RUNDC3B: variants seen among roughly 807,000 people sequenced by gnomAD.
RUNDC3B encodes RUN domain-containing protein 3B.
In RUNDC3B, 33 loss-of-function variants were observed where a neutral mutation model predicts 58.4. That is an observed-to-expected ratio of 0.56 (90% CI 0.43 to 0.75). The LOEUF is 0.75. Among genes scored for constraint, RUNDC3B ranks in the 30% least tolerant of loss-of-function variants. The pLI is 0.00. For missense variants in RUNDC3B, 501 were observed against 535.7 expected, an observed-to-expected ratio of 0.94 and a Z score of 0.64; for synonymous variants, 193 against 195.2, an observed-to-expected ratio of 0.99 and a Z score of 0.10.
intron 2 of RUNDC3B, among the ~76,000 whole-genome samples, chr7:87,697,895 C>T (rs1828637573): frequency 6.6e-6 from 1 of 152,064 alleles, no homozygotes; most frequent in Non-Finnish European, 1.5e-5. Flanking sequence ...ATGTTCTTAA[C>T]CACCAGTCAC....
chr7:87,741,518 G>A lies in RUNDC3B; in HGVS notation c.568G>A (p.Gly190Arg). 1 of 1,575,290 alleles carries A rather than the reference G, an allele frequency of 6.3e-7. No individual in the cohort carries two copies. Among genetic ancestry groups the A allele is most frequent in the Non-Finnish European group, 8.7e-7 (1 of 1,151,244 alleles). Residue 190 changes from glycine (G) to arginine (R), a missense_variant, in exon 6 of 11, where the codon GGG becomes AGG. Transcript: ENST00000394654. ...IDFSFCLKGE[G>R]LDGSFPAVID... ...TCTTAGTTTCTGCCTAAAGGGAGAG[G>A]GGCTGGATGGCAGTTTTCCTGCTGT... is the stretch of plus-strand genomic sequence containing the variant.
intron 6 of RUNDC3B, among the ~76,000 whole-genome samples, chr7:87,769,235 T>C (rs2130866976): frequency 6.6e-6 from 1 of 152,066 alleles, no homozygotes; most frequent in East Asian, 1.9e-4. Flanking sequence ...GGTCTTGAAC[T>C]TCTGGCCTCA....
chr7:87,694,031 G>A, intron 2 of RUNDC3B: 1 of 1,585,664 alleles, frequency 6.3e-7, no homozygotes, highest in Non-Finnish European at 8.5e-7. Flanking sequence ...GGGGAGGGCT[G>A]TATCAGTTAA....
rs551620525 is a variant in RUNDC3B at position 87,650,151 on chromosome 7, C to CTACTTACA, written c.123-671_123-670insTACTTACA. Among the ~76,000 whole-genome samples the CTACTTACA allele has an allele frequency of 7.2e-3, 1,096 of 152,274 alleles. 11 individuals are homozygous for CTACTTACA. The highest frequency in any genetic ancestry group is 8.9e-3 in the Non-Finnish European group (607 of 68,014). ...TTGAGTCTGCAGCTCAAATTTCTTA[C>CTACTTACA]AAGTAGTATTACTGTTTTTGAGTAT... On this transcript the variant is annotated intron_variant, in intron 1 of 10. Coordinates refer to ENST00000394654, the MANE Select transcript of RUNDC3B (RefSeq NM_001134405.2).
chr7:87,823,791 T>TACACAC (rs113441553), intron 10 of RUNDC3B, among the ~76,000 whole-genome samples: 72 of 143,876 alleles, frequency 5.0e-4, no homozygotes, highest in Admixed American at 1.3e-3. Flanking sequence ...TTCATATATA[T>TACACAC]ACACACACAC....
chr7:87,738,935 A>G (rs964530795), intron 4 of RUNDC3B, among the ~76,000 whole-genome samples: 2 of 151,914 alleles, frequency 1.3e-5, no homozygotes, highest in African/African-American at 4.8e-5. Flanking sequence ...ATTTTAGTTA[A>G]TGGGGTGGTA....
intron 2 of RUNDC3B, among the ~76,000 whole-genome samples, chr7:87,680,993 A>G (rs1470434393): frequency 6.6e-6 from 1 of 150,522 alleles, no homozygotes; most frequent in African/African-American, 2.5e-5. Context: ...TAGGCTGATC[A>G]AGAAAATGAG....
intron 3 of RUNDC3B, 27 bp downstream of exon 3, chr7:87,700,581 C>CT: frequency 6.3e-7 from 1 of 1,579,430 alleles, no homozygotes; most frequent in South Asian, 1.2e-5. Context: ...AGACTCGTTT[C>CT]TATTTTTTTT....
At chr7:87,716,375 AATT>A (rs1257016640) in intron 4 of RUNDC3B, among the ~76,000 whole-genome samples, 1 of 152,218 alleles carries the variant, frequency 6.6e-6, no homozygotes, top group African/African-American at 2.4e-5. Context: ...AAAACTTTTG[AATT>A]CTCTGAAAAT....
intron 2 of RUNDC3B, 48 bp from the exon 3 acceptor site, chr7:87,700,373 G>T (rs763969613): frequency 7.3e-5 from 108 of 1,480,400 alleles, no homozygotes; most frequent in Admixed American, 2.3e-4. Context: ...TTCAAGTCTA[G>T]TTTTATTTTA....
At chr7:87,712,457 C>G (rs1412795405) in intron 4 of RUNDC3B, among the ~76,000 whole-genome samples, 2 of 151,970 alleles carry the variant, frequency 1.3e-5, no homozygotes, top group African/African-American at 4.8e-5. Flanking sequence ...TTAATTAAAT[C>G]AAAATCAAGT....
intron 2 of RUNDC3B, among the ~76,000 whole-genome samples, chr7:87,652,175 T>G (rs1050267692): frequency 5.3e-5 from 8 of 152,150 alleles, no homozygotes; most frequent in African/African-American, 1.4e-4. Flanking sequence ...TGTACCTTGA[T>G]GTTCATGAGA....
intron 9 of RUNDC3B, among the ~76,000 whole-genome samples, chr7:87,808,259 G>C (rs533946116): frequency 6.8e-6 from 1 of 147,178 alleles, no homozygotes; most frequent in African/African-American, 2.5e-5. Context: ...CTCTTTTCTC[G>C]TATTTTCTCT....
intron 6 of RUNDC3B, among the ~76,000 whole-genome samples, chr7:87,764,834 T>C (rs1041712856): frequency 7.9e-5 from 12 of 151,998 alleles, no homozygotes; most frequent in African/African-American, 2.7e-4. Flanking sequence ...ATACATTTGC[T>C]ATTGTGAATA....
At chr7:87,683,140 G>A (rs911915533) in intron 2 of RUNDC3B, among the ~76,000 whole-genome samples, 1 of 151,900 alleles carries the variant, frequency 6.6e-6, no homozygotes, top group Non-Finnish European at 1.5e-5. Flanking sequence ...TTTCTTCTGC[G>A]GCGTCTTTGC....
At chr7:87,696,791 G>A (rs762436392) in intron 2 of RUNDC3B, among the ~76,000 whole-genome samples, 19 of 152,080 alleles carry the variant, frequency 1.2e-4, no homozygotes, top group Admixed American at 3.9e-4. Flanking sequence ...ATGATATGCC[G>A]TCCTGTCAAT....
At chr7:87,694,094 G>GTTT in intron 2 of RUNDC3B, 1 of 1,416,408 alleles carries the variant, frequency 7.1e-7, no homozygotes. Flanking sequence ...TTTTTTGTGT[G>GTTT]TTTTTGTTTT....
chr7:87,641,311 G>A (rs1822430434), intron 1 of RUNDC3B, among the ~76,000 whole-genome samples: 1 of 152,174 alleles, frequency 6.6e-6, no homozygotes, highest in South Asian at 2.1e-4. Context: ...ATGGCCAATA[G>A]TGTAGGTTAA....
At chr7:87,772,505 T>C (rs1016566030) in intron 7 of RUNDC3B, among the ~76,000 whole-genome samples, 3 of 151,964 alleles carry the variant, frequency 2.0e-5, no homozygotes, top group African/African-American at 7.3e-5. Flanking sequence ...TTTTGACTAG[T>C]CTTTTGAGCT....
Sources: gnomAD v4.1 joint callset for allele counts (sites outside exome capture counted in the v4.1 genomes callset) on GRCh38, gnomAD v4.1.1 for gene constraint, MANE v1.5 for transcripts, NCBI Gene and HGNC (gene_info 2026-07-23, HGNC 2026-07-21) for gene names.